IL36A: variants seen among roughly 807,000 people sequenced by gnomAD.
IL36A encodes the protein interleukin 36 alpha.
A neutral mutation model predicts 12.7 loss-of-function variants in IL36A; 13 were observed. That is an observed-to-expected ratio of 1.02 (90% CI 0.67 to 1.63). The LOEUF (loss-of-function observed/expected upper bound fraction) is 1.63. IL36A is among the 40% of genes most tolerant of loss of function. IL36A has a pLI of 0.00. For missense variants in IL36A, 195 were observed against 192.9 expected (o/e 1.01, Z -0.07); for synonymous variants, 73 against 71.9 (o/e 1.01, Z -0.08).
chr2:113,008,971 T>G (rs1261729250), downstream of IL36A, among the ~76,000 whole-genome samples: 2 of 38,200 alleles, frequency 5.2e-5, no homozygotes, highest in Non-Finnish European at 9.9e-5. Flanking sequence ...CCCTCCCCCC[T>G]CCCCCCACCC....
chr2:113,005,744 C>A lies in IL36A; in HGVS notation c.-128C>A. On this transcript the variant is annotated 5_prime_UTR_variant, in exon 1 of 4. In the 5' UTR this introduces an upstream ATG that the reference lacks. Coordinates refer to ENST00000259211, the MANE Select transcript of IL36A (RefSeq NM_014440.3). ...GATTCTGACTGGGGTCACTGCTGGG[C>A]TGGCCGCCAGTCTTTCATCTGACCC... is the stretch of plus-strand genomic sequence containing the variant. 9.9e-7 allele frequency: 1 copy of A among 1,013,486 alleles called. No individual in the cohort carries two copies. The highest frequency in any genetic ancestry group is 1.6e-6 in the Non-Finnish European group (1 of 635,512). The allele number at this position is 1,013,486 out of a possible 1,614,324, so 62.8% of individuals were successfully genotyped here. A position where few individuals can be genotyped will look rare whatever the true frequency, so the allele number is the denominator to read the frequency against.
chr2:113,007,357 G>A (rs912745870), intron 3 of IL36A, among the ~76,000 whole-genome samples: 4 of 152,142 alleles, frequency 2.6e-5, no homozygotes, highest in South Asian at 2.1e-4. Flanking sequence ...TGCATTTATC[G>A]GGTAGATGAC....
At chr2:113,010,904 C>T (rs1249129458), downstream of IL36A, among the ~76,000 whole-genome samples, 4 of 152,120 alleles carry the variant, frequency 2.6e-5, no homozygotes. Context: ...TGGAAACCAC[C>T]ATTCTACTCT....
Position 113,005,701 on chromosome 2 carries a change from G to C in IL36A, c.-171G>C, listed in dbSNP as rs1684599484. 2.8e-6 allele frequency: 2 copies of C among 703,280 alleles called. No homozygotes were observed. Among genetic ancestry groups the C allele is most frequent in the Admixed American group, 4.6e-5 (2 of 43,954 alleles). 43.6% of individuals were successfully genotyped at this position (703,280 alleles called of 1,614,324 possible). On this transcript the variant is annotated 5_prime_UTR_variant, in exon 1 of 4. Transcript: ENST00000259211. ...GCATCCAACAAAGTAAGGGTGCTGG[G>C]TGAGTTCTGGGAGTATAGATTCTGA...
downstream of IL36A, among the ~76,000 whole-genome samples, chr2:113,009,153 T>C (rs1319707071): frequency 2.6e-5 from 4 of 151,880 alleles, no homozygotes; most frequent in Non-Finnish European, 5.9e-5. Flanking sequence ...CATGAACTCA[T>C]CATTTTTTAT....
chr2:113,008,104 T>C (rs1684665566), downstream of IL36A: 3 of 1,386,100 alleles, frequency 2.2e-6, no homozygotes, highest in Non-Finnish European at 3.1e-6. Context: ...AATCTTAGCC[T>C]GGAATGGGCA....
At chr2:113,008,964 T>TC (rs544498743), downstream of IL36A, among the ~76,000 whole-genome samples, 1 of 91,522 alleles carries the variant, frequency 1.1e-5, no homozygotes. Context: ...ATGCTATCCC[T>TC]CCCCCCTCCC....
rs889745637 is a variant in IL36A at position 113,005,645 on chromosome 2, T to C, written c.-227T>C. Reference sequence around the variant, plus strand: ...TGGGTCTAGGCCTGGGCAGGATTCATAGGTGCAGCTGCTTCTGCTGGAGGT... The same window carrying C: ...TGGGTCTAGGCCTGGGCAGGATTCACAGGTGCAGCTGCTTCTGCTGGAGGT... On this transcript the variant is annotated 5_prime_UTR_variant, in exon 1 of 4. The change abolishes the stop of an existing upstream ORF in the 5' untranslated region. Transcript: ENST00000259211. 8.4e-5 allele frequency: 51 copies of C among 610,296 alleles called. No individual in the cohort carries two copies. In the African/African-American group the frequency reaches 9.1e-4, roughly 11 times the overall value. 37.8% of individuals were successfully genotyped at this position (610,296 alleles called of 1,614,324 possible).
In IL36A at chr2:113,005,691, AG is replaced by A; in HGVS notation, c.-178del. 1.5e-6 allele frequency: 1 copy of A among 671,122 alleles called. No individual in the cohort carries two copies. The highest frequency in any genetic ancestry group is 1.8e-5 in the South Asian group (1 of 55,696). The allele number at this position is 671,122 out of a possible 1,614,324, so 41.6% of individuals were successfully genotyped here. ...GAGGTAGACTGCATCCAACAAAGTA[AG>A]GGTGCTGGGTGAGTTCTGGGAGTAT... On this transcript the variant is annotated 5_prime_UTR_variant, in exon 1 of 4. Coordinates refer to ENST00000259211, the MANE Select transcript of IL36A (RefSeq NM_014440.3).
intron 2 of IL36A, 37 bp downstream of exon 2, chr2:113,006,124 G>A: frequency 7.5e-7 from 1 of 1,336,678 alleles, no homozygotes; most frequent in Non-Finnish European, 1.1e-6. Flanking sequence ...AGCTCCTTTG[G>A]CCAGTGCTGT....
chr2:113,007,114 A>G (rs1435462966), intron 3 of IL36A, among the ~76,000 whole-genome samples: 3 of 152,192 alleles, frequency 2.0e-5, no homozygotes, highest in Non-Finnish European at 4.4e-5. Context: ...TCTCTGTAAT[A>G]AACACTTCAA....
chr2:113,010,643 T>C (rs544206881), downstream of IL36A, among the ~76,000 whole-genome samples: 10 of 152,348 alleles, frequency 6.6e-5, no homozygotes, highest in South Asian at 8.3e-4. Flanking sequence ...GTTTTTATTC[T>C]CCTTTATTTT....
chr2:113,008,972 C>T (rs1046223273), downstream of IL36A, among the ~76,000 whole-genome samples: 1 of 102,502 alleles, frequency 9.8e-6, no homozygotes, highest in Admixed American at 1.2e-4. Flanking sequence ...CCTCCCCCCT[C>T]CCCCCACCCC....
chr2:113,008,171 T>G (rs1684666654), downstream of IL36A: 3 of 772,540 alleles, frequency 3.9e-6, no homozygotes, highest in Non-Finnish European at 6.5e-6. Flanking sequence ...TCCCAATATA[T>G]TCATGCAGTG....
At chr2:113,006,161 C>T in intron 2 of IL36A, 74 bp downstream of exon 2, 1 of 931,894 alleles carries the variant, frequency 1.1e-6, no homozygotes, top group East Asian at 2.4e-5. Context: ...AGATGTTATT[C>T]CACAGTGGGC....
Position 113,005,574 on chromosome 2 carries a change from G to T in IL36A, c.-298G>T. On this transcript the variant is annotated 5_prime_UTR_variant, in exon 1 of 4. Transcript: ENST00000259211. ...AGTCTGGTGACCTCTGATTTTTTTTGCTTCCAGGTCTTTGGCCTTGGCACT... is the reference window on the plus strand; with the variant it reads ...AGTCTGGTGACCTCTGATTTTTTTTTCTTCCAGGTCTTTGGCCTTGGCACT... The T allele has an allele frequency of 9.7e-6, 5 of 517,892 alleles. No individual in the cohort carries two copies. Among genetic ancestry groups the T allele is most frequent in the East Asian group, 3.3e-5 (1 of 30,244 alleles). The allele number at this position is 517,892 out of a possible 1,614,324, so 32.1% of individuals were successfully genotyped here.
In IL36A at chr2:113,007,969, A is replaced by T. The variant is rs1684662277; in HGVS notation, c.402A>T (p.Gly134=). Residue 134 remains glycine, a synonymous_variant, in exon 4 of 4, where the codon GGA becomes GGT. Transcript: ENST00000259211. ...GGTTCATCGCTGTCAGCTCTGAAGG[A>T]GGCTGTCCTCTCATCCTTACCCAAG... The part of the protein sequence containing the change: ...PGWFIAVSSE[G]GCPLILTQEL... 1.2e-6 allele frequency: 2 copies of T among 1,614,068 alleles called. No individual in the cohort carries two copies. The highest frequency in any genetic ancestry group is 1.7e-6 in the Non-Finnish European group (2 of 1,180,040).
chr2:113,007,958 A>G lies in IL36A; in HGVS notation c.391A>G (p.Ser131Gly), dbSNP rs1684661845. ...VAFPGWFIAV[S>G]SEGGCPLILT... ...TTTCCCTGGCTGGTTCATCGCTGTC[A>G]GCTCTGAAGGAGGCTGTCCTCTCAT... The change falls in exon 4 of 4, where the codon AGC (serine) becomes GGC (glycine). Residue 131 changes from serine to glycine, a missense_variant. By Grantham distance (56) the Ser-to-Gly change is moderately conservative. Transcript: ENST00000259211. 1 of 1,614,212 alleles carries G rather than the reference A, an allele frequency of 6.2e-7. No individual in the cohort carries two copies.
At chr2:113,008,927 G>A (rs373587205), downstream of IL36A, among the ~76,000 whole-genome samples, 1 of 150,232 alleles carries the variant, frequency 6.7e-6, no homozygotes, top group African/African-American at 2.5e-5. Flanking sequence ...CCATTAACTC[G>A]TCATTTAGCA....
Sources: gnomAD v4.1 joint callset for allele counts (sites outside exome capture counted in the v4.1 genomes callset) on GRCh38, gnomAD v4.1.1 for gene constraint, MANE v1.5 for transcripts, NCBI Gene and HGNC (gene_info 2026-07-23, HGNC 2026-07-21) for gene names.